The following CDH13 variants were observed in gnomAD, a reference collection of about 807,000 sequenced individuals.
The protein encoded by CDH13 is cadherin 13.
Under a neutral mutation model 63.8 loss-of-function variants are expected in CDH13, and 24 were observed. The observed-to-expected ratio is 0.38, with a 90% CI of 0.27 to 0.53. The LOEUF is 0.53. Among genes scored for constraint, CDH13 ranks in the 20% least tolerant of loss-of-function variants. The pLI, the probability that CDH13 is intolerant of heterozygous loss-of-function variation, is 0.85. For synonymous variants in CDH13, 503 were observed against 355.3 expected, an observed-to-expected ratio of 1.42 and a Z score of -4.67; for missense variants, 1,049 against 903.1, an observed-to-expected ratio of 1.16 and a Z score of -2.07.
intron 1 of CDH13, among the ~76,000 whole-genome samples, chr16:82,660,660 C>A (rs74028509): frequency 6.6e-6 from 1 of 151,968 alleles, no homozygotes; most frequent in Non-Finnish European, 1.5e-5. Context: ...ATACCTGGGA[C>A]CAAAGACCCT....
At chr16:83,450,124 G>A (rs1254780614) in intron 6 of CDH13, among the ~76,000 whole-genome samples, 3 of 152,168 alleles carry the variant, frequency 2.0e-5, no homozygotes, top group East Asian at 3.9e-4. Context: ...ATAAACCACA[G>A]CAGCGCCCTG....
chr16:83,297,647 T>C (rs139402093), intron 5 of CDH13, among the ~76,000 whole-genome samples: 1 of 152,106 alleles, frequency 6.6e-6, no homozygotes, highest in African/African-American at 2.4e-5. Flanking sequence ...GTCCTTGATA[T>C]ATGGAAACTG....
At chr16:82,997,425 A>T (rs1006515956) in intron 2 of CDH13, among the ~76,000 whole-genome samples, 5 of 152,224 alleles carry the variant, frequency 3.3e-5, no homozygotes, top group East Asian at 1.9e-4. Context: ...GAAAAATCTC[A>T]GTAATTAAAG....
intron 5 of CDH13, among the ~76,000 whole-genome samples, chr16:83,336,663 C>G (rs12920261): frequency 0.99 from 150,618 of 152,082 alleles, 74,602 homozygotes; most frequent in Middle Eastern, 1. Context: ...CTGTGTGTGT[C>G]TGTGTTTTGC....
Position 83,798,429 on chromosome 16 carries a change from A to T in CDH13, c.*3399A>T, listed in dbSNP as rs918620616. ...GGTTTATATTTATCAACTGCTTATT[A>T]TGTGCCCACACTGTACAAAATCCTT... is the stretch of plus-strand genomic sequence containing the variant. On this transcript the variant is annotated 3_prime_UTR_variant, in exon 14 of 14. Transcript: ENST00000567109. The T allele has an allele frequency of 1.3e-5, 2 of 152,220 alleles. No individual in the cohort carries two copies. The highest frequency in any genetic ancestry group is 2.9e-5 in the Non-Finnish European group (2 of 68,042). 9.4% of individuals were successfully genotyped at this position (152,220 alleles called of 1,614,324 possible). A position where few individuals can be genotyped will look rare whatever the true frequency, so the allele number is the denominator to read the frequency against.
intron 1 of CDH13, chr16:82,705,263 C>A (rs1415951251): frequency 2.4e-6 from 1 of 423,408 alleles, no homozygotes; most frequent in Non-Finnish European, 4.7e-6. Flanking sequence ...TTCAAGAGAC[C>A]ACGTTGGACA....
chr16:83,071,160 G>C lies in CDH13; in HGVS notation c.366+38942G>C, dbSNP rs192388510. Among the ~76,000 whole-genome samples, 18 of 152,206 alleles carry C rather than the reference G, an allele frequency of 1.2e-4. No individual in the cohort carries two copies. In the East Asian group the frequency reaches 3.3e-3, roughly 28 times the overall value. The stretch of plus-strand genomic sequence containing the variant: ...AAAGGGATCAGGAAAGTGTCATTCT[G>C]AACATTCTCAGAAAAGCAGAGACCT... On this transcript the variant is annotated intron_variant, in intron 3 of 13. Coordinates refer to ENST00000567109, the MANE Select transcript of CDH13 (RefSeq NM_001257.5).
chr16:82,826,528 T>G (rs1202123050), intron 1 of CDH13: 2 of 152,198 alleles, frequency 1.3e-5, no homozygotes, highest in Non-Finnish European at 2.9e-5. Context: ...AATAGGTGTT[T>G]CTATTATATG....
chr16:83,391,451 G>A (rs968231271), intron 6 of CDH13, among the ~76,000 whole-genome samples: 13 of 152,024 alleles, frequency 8.6e-5, no homozygotes, highest in African/African-American at 2.9e-4. Flanking sequence ...TGATCCGCCC[G>A]CCTCAGCCTC....
chr16:83,336,857 T>G (rs1195121662), intron 5 of CDH13, among the ~76,000 whole-genome samples: 1 of 152,202 alleles, frequency 6.6e-6, no homozygotes, highest in African/African-American at 2.4e-5. Context: ...ACAAAAAATA[T>G]TGGCTTTTAA....
At chr16:83,202,012 C>T (rs1030805333) in intron 4 of CDH13, among the ~76,000 whole-genome samples, 2 of 152,176 alleles carry the variant, frequency 1.3e-5, no homozygotes, top group African/African-American at 4.8e-5. Flanking sequence ...TTCATTTACA[C>T]AAGCATTAAG....
intron 7 of CDH13, among the ~76,000 whole-genome samples, chr16:83,522,780 C>G (rs755887576): frequency 6.6e-6 from 1 of 152,114 alleles, no homozygotes; most frequent in Non-Finnish European, 1.5e-5. Flanking sequence ...TGGGGCTGTG[C>G]ATTCTCCTGG....
At chr16:83,458,174 C>T (rs1315868338) in intron 6 of CDH13, among the ~76,000 whole-genome samples, 1 of 152,214 alleles carries the variant, frequency 6.6e-6, no homozygotes, top group African/African-American at 2.4e-5. Flanking sequence ...CCTGCTCCTG[C>T]TGGATCCAGG....
chr16:83,068,243 G>A (rs1342756152), intron 3 of CDH13, among the ~76,000 whole-genome samples: 1 of 152,052 alleles, frequency 6.6e-6, no homozygotes, highest in Non-Finnish European at 1.5e-5. Flanking sequence ...TCATTTTATA[G>A]GCATTATCTC....
intron 9 of CDH13, among the ~76,000 whole-genome samples, chr16:83,675,163 A>G (rs1354296399): frequency 6.6e-6 from 1 of 152,204 alleles, no homozygotes; most frequent in Non-Finnish European, 1.5e-5. Flanking sequence ...GCCCAGCAAC[A>G]GACAAAGCAC....
chr16:83,727,401 CAT>C (rs760217398), intron 10 of CDH13, among the ~76,000 whole-genome samples: 1 of 151,910 alleles, frequency 6.6e-6, no homozygotes, highest in Non-Finnish European at 1.5e-5. Context: ...AGTTTTCAAA[CAT>C]GTGGAAACGT....
chr16:83,406,731 G>T (rs1285588868), intron 6 of CDH13, among the ~76,000 whole-genome samples: 1 of 152,162 alleles, frequency 6.6e-6, no homozygotes, highest in Non-Finnish European at 1.5e-5. Context: ...CTCCCAAAGT[G>T]CTGGGATTAC....
At chr16:83,483,648 C>G (rs1214413670) in intron 6 of CDH13, among the ~76,000 whole-genome samples, 2 of 152,106 alleles carry the variant, frequency 1.3e-5, no homozygotes, top group African/African-American at 4.8e-5. Context: ...GTGTACTTAA[C>G]TGGAGACTGG....
In CDH13 at chr16:83,580,224, A is replaced by G. The variant is rs188013065; in HGVS notation, c.961-22230A>G. Among the ~76,000 whole-genome samples, 5 of 152,248 alleles carry G rather than the reference A, an allele frequency of 3.3e-5. No individual in the cohort carries two copies. The East Asian group carries it at 7.7e-4, about 24-fold the overall frequency. On this transcript the variant is annotated intron_variant, in intron 7 of 13. Coordinates refer to ENST00000567109, the MANE Select transcript of CDH13 (RefSeq NM_001257.5). Reference sequence around the variant, plus strand: ...ATTGGCATTGAGTGTCAGCAAGATCATTTTAATAAATATGTGCGTGAGGTG... The same window carrying G: ...ATTGGCATTGAGTGTCAGCAAGATCGTTTTAATAAATATGTGCGTGAGGTG...
Sources: allele counts gnomAD v4.1 joint callset (sites outside exome capture counted in the v4.1 genomes callset), GRCh38; gene constraint gnomAD v4.1.1; transcripts MANE v1.5; gene names NCBI Gene and HGNC (gene_info 2026-07-23, HGNC 2026-07-21).